Variants in FAT1 observed in about 807,000 individuals in gnomAD.
FAT1 encodes the protein FAT atypical cadherin 1.
Under a neutral mutation model 329.8 loss-of-function variants are expected in FAT1, and 171 were observed. The ratio of observed to expected loss-of-function variants is 0.52; its 90% CI spans 0.46 to 0.59. The LOEUF (loss-of-function observed/expected upper bound fraction) is 0.59, where lower values mean the gene tolerates loss of function less well. Among genes scored for constraint, FAT1 ranks in the 20% least tolerant of loss-of-function variants. The probability of loss-of-function intolerance (pLI) is 0.00; values close to 1 mark genes in which losing one functional copy is unlikely to be tolerated. For missense variants in FAT1, 5,672 were observed against 5,774.4 expected (o/e 0.98, Z 0.57); for synonymous variants, 2,233 against 2,228.6 (o/e 1.00, Z -0.06).
At chr4:186,592,372 C>T (rs886132800) in intron 26 of FAT1, among the ~76,000 whole-genome samples, 6 of 152,094 alleles carry the variant, frequency 3.9e-5, no homozygotes, top group Non-Finnish European at 7.4e-5. Context: ...CCTGTACATA[C>T]GAAGAAGAAT....
chr4:186,681,959 G>A (rs1743228382), intron 2 of FAT1, among the ~76,000 whole-genome samples: 1 of 152,084 alleles, frequency 6.6e-6, no homozygotes, highest in Admixed American at 6.5e-5. Flanking sequence ...ACTGGTTACG[G>A]ATCTATAAGT....
At chr4:186,697,340 C>T (rs753155829) in intron 2 of FAT1, among the ~76,000 whole-genome samples, 30 of 152,162 alleles carry the variant, frequency 2.0e-4, no homozygotes, top group Non-Finnish European at 2.2e-4. Flanking sequence ...GAAAGCGCAG[C>T]GTCTGTGGAG....
intron 3 of FAT1, among the ~76,000 whole-genome samples, chr4:186,652,410 T>A (rs1047808907): frequency 6.6e-6 from 1 of 152,246 alleles, no homozygotes; most frequent in African/African-American, 2.4e-5. Flanking sequence ...TGACAGAATT[T>A]ATCACAAAGA....
intron 15 of FAT1, 112 bp from the exon 16 acceptor site, chr4:186,609,432 T>C: frequency 1.6e-6 from 2 of 1,283,082 alleles, no homozygotes; most frequent in African/African-American, 3.0e-5. Flanking sequence ...TTGTTTTTTT[T>C]TTGAGATGGA....
intron 18 of FAT1, 77 bp downstream of exon 18, chr4:186,604,300 A>C (rs1738984080): frequency 2.4e-6 from 3 of 1,250,752 alleles, no homozygotes. Flanking sequence ...TAAGCTGTTC[A>C]AATAGAAGAG....
rs2126473916 is a variant in FAT1 at position 186,613,090 on chromosome 4, G to C, written c.9463+19C>G. The C allele has an allele frequency of 6.4e-7, 1 of 1,564,200 alleles. No homozygotes were observed. The highest frequency in any genetic ancestry group is 2.2e-5 in the East Asian group (1 of 44,632). On this transcript the variant is annotated intron_variant, in intron 13 of 26. Coordinates refer to ENST00000441802, the MANE Select transcript of FAT1 (RefSeq NM_005245.4). The stretch of plus-strand genomic sequence containing the variant: ...GATCTCAGTGAGCAGCGTCAGGCAA[G>C]AGCATTCCCGGGAGATACCTGCGTC...
intron 11 of FAT1, among the ~76,000 whole-genome samples, chr4:186,615,757 T>C (rs1202525193): frequency 1.3e-5 from 2 of 151,548 alleles, no homozygotes; most frequent in African/African-American, 2.4e-5. Context: ...CCTTTGGAAA[T>C]AGCTCTCTCT....
rs759568997 is a variant in FAT1, at chr4:186,619,382, G to T, written c.7204C>A (p.His2402Asn). The T allele has an allele frequency of 1.9e-6, 3 of 1,613,992 alleles. No individual in the cohort carries two copies. Among genetic ancestry groups the T allele is most frequent in the Non-Finnish European group, 2.5e-6 (3 of 1,179,878 alleles). ...QQIYEARISE[H>N]APHGHFVTCV... is the part of the protein sequence containing the mutation. ...GTCACGAAATGCCCATGAGGGGCGTGCTCGCTAATTCTGGCTTCATAAATC... is the reference window on the plus strand; with the variant it reads ...GTCACGAAATGCCCATGAGGGGCGTTCTCGCTAATTCTGGCTTCATAAATC... The change falls in exon 10 of 27, where the codon CAC (histidine) becomes AAC (asparagine). Residue 2402 changes from histidine to asparagine, a missense_variant. Around this residue, in one of 2 missense-constraint regions of FAT1, gnomAD observed 3,966 missense variants for 3,915.2 expected, o/e 1.01. Coordinates refer to ENST00000441802, the MANE Select transcript of FAT1 (RefSeq NM_005245.4).
Position 186,620,174 on chromosome 4 carries a change from T to C in FAT1, c.6412A>G (p.Lys2138Glu). Residue 2138 changes from lysine (K) to glutamate (E), a missense_variant, in exon 10 of 27, where the codon AAA becomes GAA. This residue lies in a region of FAT1 where 3,966 missense variants were observed against 3,915.2 expected (regional missense o/e 1.01). Coordinates refer to ENST00000441802, the MANE Select transcript of FAT1 (RefSeq NM_005245.4). The part of the protein sequence containing the change: ...QIGPLGEISL[K>E]KQFELDTLNK... ...AAGGTGTCAAGCTCAAATTGCTTTT[T>C]CAGTGAAATTTCACCCAAGGGTCCA... 6.2e-7 allele frequency: 1 copy of C among 1,614,058 alleles called. No individual in the cohort carries two copies. The highest frequency in any genetic ancestry group is 8.5e-7 in the Non-Finnish European group (1 of 1,179,904).
chr4:186,595,553 G>A, intron 26 of FAT1, 136 bp downstream of exon 26: 1 of 920,628 alleles, frequency 1.1e-6, no homozygotes, highest in Non-Finnish European at 1.6e-6. Flanking sequence ...AGTATGTATG[G>A]TATTGTTTAA....
At position 186,636,572 on chromosome 4, in the gene FAT1, A is replaced by G. The variant is rs1740827265; in HGVS notation, c.3972+13T>C. 1 of 1,587,090 alleles carries G rather than the reference A, an allele frequency of 6.3e-7. No individual in the cohort carries two copies. The highest frequency in any genetic ancestry group is 8.6e-7 in the Non-Finnish European group (1 of 1,168,000). Reference sequence around the variant, plus strand: ...AACATATGAAAAATTACAGTACTACAATCTTAACTCACTGAAAGAATATCA... The same window carrying G: ...AACATATGAAAAATTACAGTACTACGATCTTAACTCACTGAAAGAATATCA... On this transcript the variant is annotated intron_variant, in intron 5 of 26. Transcript: ENST00000441802.
chr4:186,720,749 T>C lies in FAT1; in HGVS notation c.-19+2915A>G, dbSNP rs74320568. On this transcript the variant is annotated intron_variant, in intron 1 of 26. Transcript: ENST00000441802. ...GCACTAGATGTTGTGTCTGGCCCAA[T>C]GTTTGACACAGAGGAGGTCCACTAT... 7.4e-3 allele frequency among the ~76,000 whole-genome samples: 1,124 copies of C among 152,304 alleles called. 12 individuals carry two copies. Among genetic ancestry groups the C allele is most frequent in the African/African-American group, 0.026 (1,070 of 41,560 alleles).
chr4:186,668,721 C>T (rs932894762), intron 2 of FAT1, among the ~76,000 whole-genome samples: 1 of 152,196 alleles, frequency 6.6e-6, no homozygotes, highest in African/African-American at 2.4e-5. Context: ...TTACAGATTA[C>T]AGATTGATTT....
Position 186,621,218 on chromosome 4 carries a change from C to A in FAT1, c.5368G>T (p.Val1790Phe), listed in dbSNP as rs777812985. Reference sequence around the variant, plus strand: ...TCAGCTGCTCGAATCACCAGTGGGACATTCCTGTCTGTTAGGACCACGCTG... The same window carrying A: ...TCAGCTGCTCGAATCACCAGTGGGAAATTCCTGTCTGTTAGGACCACGCTG... The part of the protein sequence containing the change: ...INSVVLTDRN[V>F]PLVIRAADAD... The change falls in exon 10 of 27, where the codon GTC (valine) becomes TTC (phenylalanine). Residue 1790 changes from valine (V) to phenylalanine (F), a missense_variant. By Grantham distance (50) the Val-to-Phe change is conservative. Around this residue, in one of 2 missense-constraint regions of FAT1, gnomAD observed 3,966 missense variants for 3,915.2 expected, o/e 1.01. Transcript: ENST00000441802. 6.2e-7 allele frequency: 1 copy of A among 1,613,916 alleles called. No homozygotes were observed. Among genetic ancestry groups the A allele is most frequent in the Non-Finnish European group, 8.5e-7 (1 of 1,179,896 alleles).
At chr4:186,667,594 G>C (rs899728836) in intron 2 of FAT1, among the ~76,000 whole-genome samples, 2 of 152,142 alleles carry the variant, frequency 1.3e-5, no homozygotes, top group African/African-American at 2.4e-5. Context: ...GAACTATAAA[G>C]TAAATTTCAA....
chr4:186,676,707 A>C lies in FAT1; in HGVS notation c.3266-13094T>G, dbSNP rs115168735. ...AATGAGATTCCTCCTGTTACAGTCA[A>C]GCACTACATTGGTCTCTGTATAAAC... On this transcript the variant is annotated intron_variant, in intron 2 of 26. Transcript: ENST00000441802. Among the ~76,000 whole-genome samples the C allele has an allele frequency of 3.3e-3, 500 of 152,340 alleles. 3 individuals carry two copies. Among genetic ancestry groups the C allele is most frequent in the African/African-American group, 0.011 (476 of 41,582 alleles).
intron 3 of FAT1, among the ~76,000 whole-genome samples, chr4:186,650,431 T>C (rs1479911298): frequency 1.3e-5 from 2 of 149,956 alleles, no homozygotes; most frequent in African/African-American, 4.9e-5. Flanking sequence ...ACTCTAAAGC[T>C]GTTTCAACTA....
At chr4:186,678,031 G>A (rs1318269345) in intron 2 of FAT1, among the ~76,000 whole-genome samples, 1 of 152,132 alleles carries the variant, frequency 6.6e-6, no homozygotes, top group Non-Finnish European at 1.5e-5. Context: ...TTCATTAAGA[G>A]AGCTGTTCTT....
intron 22 of FAT1, 114 bp downstream of exon 22, chr4:186,599,784 G>T: frequency 1.2e-6 from 1 of 830,456 alleles, no homozygotes; most frequent in Non-Finnish European, 1.9e-6. Flanking sequence ...TGACTGCAGT[G>T]TCTGACAAAA....
Sources: allele counts gnomAD v4.1 joint callset (sites outside exome capture counted in the v4.1 genomes callset), GRCh38; gene constraint gnomAD v4.1.1; regional missense constraint gnomAD v4.1.1; transcripts MANE v1.5; gene names NCBI Gene and HGNC (gene_info 2026-07-23, HGNC 2026-07-21).